The following NCKAP1L variants were observed in gnomAD, a reference collection of about 807,000 sequenced individuals.
The protein encoded by NCKAP1L is NCK associated protein 1 like.
A neutral mutation model predicts 139.2 loss-of-function variants in NCKAP1L; 53 were observed. The observed-to-expected ratio is 0.38, with a 90% CI of 0.31 to 0.48. The LOEUF (loss-of-function observed/expected upper bound fraction) is 0.48. Among genes scored for constraint, NCKAP1L ranks in the 20% least tolerant of loss-of-function variants. The pLI, the probability that NCKAP1L is intolerant of heterozygous loss-of-function variation, is 0.98. For synonymous variants in NCKAP1L, 468 were observed against 499.7 expected, an observed-to-expected ratio of 0.94 and a Z score of 0.85; for missense variants, 1,151 against 1,381.9, an observed-to-expected ratio of 0.83 and a Z score of 2.65.
rs1338675118 is a variant in NCKAP1L at position 54,532,204 on chromosome 12, C to T, written c.2816C>T (p.Pro939Leu). The T allele has an allele frequency of 6.2e-7, 1 of 1,613,144 alleles. No individual in the cohort carries two copies. The highest frequency in any genetic ancestry group is 2.2e-5 in the East Asian group (1 of 44,844). The change falls in exon 26 of 31, where the codon CCC becomes CTC. Residue 939 changes from proline to leucine, a missense_variant. Physicochemically the swap from Pro to Leu is moderately conservative, Grantham distance 98. Coordinates refer to ENST00000293373, the MANE Select transcript of NCKAP1L (RefSeq NM_005337.5). ...FSSHCPFLMG[P>L]IECLKEFVTP... ...TCCCACTGCCCATTTCTTATGGGTC[C>T]CATTGAGTGCTTGAAGGAGTTTGTC...
intron 7 of NCKAP1L, chr12:54,510,206 G>A (rs1002110156): frequency 1.2e-5 from 7 of 596,528 alleles, no homozygotes; most frequent in Non-Finnish European, 1.5e-5. Flanking sequence ...TGATCTATAA[G>A]CAGTTAGCCT....
intron 10 of NCKAP1L, 150 bp downstream of exon 10, chr12:54,516,445 CTTTTCTTTTTTTTT>C (rs1438923946): frequency 1.5e-6 from 1 of 668,162 alleles, no homozygotes; most frequent in East Asian, 2.8e-5. Flanking sequence ...TTTTTCTTTT[CTTTTCTTTTTTTTT>C]TTTTTGAGAC....
intron 21 of NCKAP1L, 95 bp from the exon 22 acceptor site, chr12:54,528,150 CAG>C: frequency 4.8e-6 from 7 of 1,444,768 alleles, no homozygotes; most frequent in Non-Finnish European, 6.6e-6. Context: ...CAGTCTTTTG[CAG>C]AGTTTTTCTT....
intron 21 of NCKAP1L, among the ~76,000 whole-genome samples, chr12:54,527,977 T>C (rs892640772): frequency 2.0e-5 from 3 of 152,098 alleles, no homozygotes; most frequent in Non-Finnish European, 4.4e-5. Flanking sequence ...AGAGCAGTGG[T>C]TGAGGGAGGG....
At chr12:54,508,021 C>A (rs1471342204) in intron 4 of NCKAP1L, 112 bp downstream of exon 4, 9 of 939,850 alleles carry the variant, frequency 9.6e-6, no homozygotes, top group Non-Finnish European at 8.5e-6. Flanking sequence ...GGAAGGATGG[C>A]TATTTTGTTT....
intron 23 of NCKAP1L, 64 bp from the exon 24 acceptor site, chr12:54,531,427 G>A (rs914919317): frequency 1.9e-6 from 3 of 1,606,342 alleles, no homozygotes; most frequent in South Asian, 2.2e-5. Context: ...AGGAGACTGG[G>A]GGGGAAGATG....
intron 22 of NCKAP1L, among the ~76,000 whole-genome samples, chr12:54,529,643 C>T (rs945991168): frequency 1.4e-4 from 21 of 152,176 alleles, no homozygotes; most frequent in African/African-American, 5.1e-4. Context: ...TCAGATGTCC[C>T]CTTCTCATCA....
At chr12:54,528,761 G>A (rs922300511) in intron 22 of NCKAP1L, among the ~76,000 whole-genome samples, 25 of 151,808 alleles carry the variant, frequency 1.6e-4, no homozygotes, top group Admixed American at 2.0e-4. Context: ...GAATAGCTGG[G>A]ACTACAGGCA....
rs1957189636 is a variant in NCKAP1L at position 54,545,350 on chromosome 12, G to T, written c.*2665G>T. 6.6e-6 allele frequency: 1 copy of T among 152,226 alleles called. No individual in the cohort carries two copies. Among genetic ancestry groups the T allele is most frequent in the Non-Finnish European group, 1.5e-5 (1 of 68,028 alleles). 9.4% of individuals were successfully genotyped at this position (152,226 alleles called of 1,614,324 possible). On this transcript the variant is annotated 3_prime_UTR_variant, in exon 31 of 31. Transcript: ENST00000293373. ...TGACTTAATGAAGGTCACATGTTTA[G>T]CAGTAGAACTAGAACTGGGACCCAA...
chr12:54,507,289 A>G (rs1000918713), intron 3 of NCKAP1L, among the ~76,000 whole-genome samples: 1 of 152,088 alleles, frequency 6.6e-6, no homozygotes, highest in African/African-American at 2.4e-5. Flanking sequence ...ATTTAGGTAA[A>G]ATTATGTGTG....
chr12:54,520,507 T>C (rs1159392441), intron 16 of NCKAP1L, among the ~76,000 whole-genome samples, 187 bp from the exon 17 acceptor site: 3 of 152,228 alleles, frequency 2.0e-5, no homozygotes, highest in East Asian at 1.9e-4. Flanking sequence ...TTCCGTTCTA[T>C]CTTAAGGGTT....
chr12:54,518,868 G>T, intron 14 of NCKAP1L, 46 bp from the exon 15 acceptor site: 1 of 1,541,842 alleles, frequency 6.5e-7, no homozygotes, highest in South Asian at 1.1e-5. Flanking sequence ...GTTGGATATT[G>T]GTGTGCTGTT....
chr12:54,529,941 CTCT>C (rs2120952573), intron 22 of NCKAP1L, among the ~76,000 whole-genome samples: 1 of 152,344 alleles, frequency 6.6e-6, no homozygotes, highest in African/African-American at 2.4e-5. Context: ...GGCGATTCAG[CTCT>C]TCTTCCTCTC....
chr12:54,501,678 AT>A (rs1956799092), intron 3 of NCKAP1L, among the ~76,000 whole-genome samples: 1 of 151,852 alleles, frequency 6.6e-6, no homozygotes, highest in African/African-American at 2.4e-5. Context: ...CTAAGTTTTT[AT>A]ATTTTTTGTA....
chr12:54,524,217 C>T lies in NCKAP1L; in HGVS notation c.2156+261C>T, dbSNP rs76916175. ...GAAACCACTGGTTTAGTAGAATGAG[C>T]AAGGCCTTTGCAGTGAGCAGACCTG... On this transcript the variant is annotated intron_variant, in intron 20 of 30. Transcript: ENST00000293373. Among the ~76,000 whole-genome samples, 1,376 of 152,290 alleles carry T rather than the reference C, an allele frequency of 9.0e-3. 12 individuals carry two copies. The highest frequency in any genetic ancestry group is 0.013 in the Non-Finnish European group (877 of 68,016).
intron 26 of NCKAP1L, among the ~76,000 whole-genome samples, chr12:54,533,304 A>G (rs1957087771): frequency 6.6e-6 from 1 of 152,220 alleles, no homozygotes; most frequent in Non-Finnish European, 1.5e-5. Context: ...AGGTAGGGGC[A>G]GAGAGGGAGG....
chr12:54,516,880 C>G lies in NCKAP1L; in HGVS notation c.999-16C>G. 1 of 1,609,024 alleles carries G rather than the reference C, an allele frequency of 6.2e-7. No homozygotes were observed. The highest frequency in any genetic ancestry group is 8.5e-7 in the Non-Finnish European group (1 of 1,176,504). Reference sequence around the variant, plus strand: ...GGTGGGAGAGGTGATAGTCATGTTCCCCTTTTCTTCCTTAGTGGCCAGTTT... The same window carrying G: ...GGTGGGAGAGGTGATAGTCATGTTCGCCTTTTCTTCCTTAGTGGCCAGTTT... On this transcript the variant is annotated splice_polypyrimidine_tract_variant and intron_variant, in intron 10 of 30. Coordinates refer to ENST00000293373, the MANE Select transcript of NCKAP1L (RefSeq NM_005337.5).
At position 54,523,833 on chromosome 12, in the gene NCKAP1L, A is replaced by G. The variant is rs766391326; in HGVS notation, c.2033A>G (p.Lys678Arg). The G allele has an allele frequency of 6.2e-7, 1 of 1,613,768 alleles. No homozygotes were observed. Among genetic ancestry groups the G allele is most frequent in the Non-Finnish European group, 8.5e-7 (1 of 1,179,786 alleles). The change falls in exon 20 of 31, where the codon AAG becomes AGG. Residue 678 changes from lysine to arginine, a missense_variant. Transcript: ENST00000293373. ...CTCATTTTCCTTTCTAGCATGGACAAGCTACACCTAAACTTGACAGAACTG... is the reference window on the plus strand; with the variant it reads ...CTCATTTTCCTTTCTAGCATGGACAGGCTACACCTAAACTTGACAGAACTG... ...KNRSIVTNMDKLHLNLTELAL... is the reference protein window; with the variant it reads ...KNRSIVTNMDRLHLNLTELAL...
At chr12:54,525,201 C>T (rs1415721708) in intron 20 of NCKAP1L, among the ~76,000 whole-genome samples, 2 of 152,088 alleles carry the variant, frequency 1.3e-5, no homozygotes, top group East Asian at 3.9e-4. Flanking sequence ...GGAGCCTTGG[C>T]AGGTTTTGTG....
Sources: allele counts gnomAD v4.1 joint callset (sites outside exome capture counted in the v4.1 genomes callset), GRCh38; gene constraint gnomAD v4.1.1; transcripts MANE v1.5; gene names NCBI Gene and HGNC (gene_info 2026-07-23, HGNC 2026-07-21).